UBA6: variants seen among roughly 807,000 people sequenced by gnomAD.
The protein encoded by UBA6 is ubiquitin like modifier activating enzyme 6.
Under a neutral mutation model 148.3 loss-of-function variants are expected in UBA6, and 87 were observed. The ratio of observed to expected loss-of-function variants is 0.59; its 90% CI spans 0.49 to 0.70. The LOEUF is 0.70. UBA6 is among the 30% of genes least tolerant of loss of function. UBA6 has a pLI of 0.00. For missense variants in UBA6, 1,186 were observed against 1,241.2 expected (o/e 0.96, Z 0.67); for synonymous variants, 376 against 401.0 (o/e 0.94, Z 0.75).
chr4:67,641,296 T>G (rs540766057), intron 17 of UBA6, 68 bp from the exon 18 acceptor site: 83 of 996,202 alleles, frequency 8.3e-5, no homozygotes, highest in Non-Finnish European at 1.0e-4. Flanking sequence ...CTTTTCTCAG[T>G]ATGACTAAAA....
chr4:67,630,935 A>G (rs188569044), intron 25 of UBA6, among the ~76,000 whole-genome samples: 4 of 152,350 alleles, frequency 2.6e-5, no homozygotes, highest in East Asian at 3.9e-4. Context: ...AAACAAAAAA[A>G]GAAAGTCTTA....
intron 2 of UBA6, among the ~76,000 whole-genome samples, chr4:67,690,181 A>C (rs1166278046): frequency 6.6e-6 from 1 of 152,082 alleles, no homozygotes; most frequent in East Asian, 1.9e-4. Flanking sequence ...AAAGTAGTCT[A>C]GTATGGCCAG....
At chr4:67,678,388 T>C (rs1730342269) in intron 5 of UBA6, 51 bp downstream of exon 5, 1 of 1,157,304 alleles carries the variant, frequency 8.6e-7, no homozygotes, top group Non-Finnish European at 1.2e-6. Context: ...GGAAATATTT[T>C]AAGTAAATAA....
chr4:67,677,850 GAAGA>G, intron 5 of UBA6, 128 bp from the exon 6 acceptor site: 1 of 511,232 alleles, frequency 2.0e-6, no homozygotes, highest in Admixed American at 3.8e-5. Flanking sequence ...TTACCTTGTA[GAAGA>G]AAGAAACCAA....
intron 18 of UBA6, among the ~76,000 whole-genome samples, chr4:67,639,371 A>G (rs536419144): frequency 6.6e-6 from 1 of 152,256 alleles, no homozygotes; most frequent in South Asian, 2.1e-4. Flanking sequence ...AACACCTTCT[A>G]TCTTATAGTT....
At chr4:67,681,438 G>GGA (rs1730435167) in intron 4 of UBA6, 125 bp downstream of exon 4, 2 of 572,854 alleles carry the variant, frequency 3.5e-6, no homozygotes, top group East Asian at 7.5e-5. Flanking sequence ...AAATTTCCAT[G>GGA]ATTTTTTTTA....
chr4:67,663,646 A>T (rs1324881132), intron 11 of UBA6: 1 of 491,718 alleles, frequency 2.0e-6, no homozygotes, highest in Non-Finnish European at 3.6e-6. Flanking sequence ...AAGTTGGCAA[A>T]TCATTATAAA....
rs747159489 is a variant in UBA6 at position 67,663,169 on chromosome 4, T to C, written c.1007A>G (p.Gln336Arg). The C allele has an allele frequency of 2.2e-5, 36 of 1,611,390 alleles. No homozygotes were observed. The highest frequency in any genetic ancestry group is 3.0e-5 in the Non-Finnish European group (35 of 1,179,104). ...HTAMLALDQF[Q>R]EKYSRKPNVG... ...ATTTGGCTTGCGACTGTATTTCTCC[T>C]GAAACTGGTCCAAGGCAAGCATAGC... is the stretch of plus-strand genomic sequence containing the variant. The change falls in exon 12 of 33, where the codon CAG (glutamine) becomes CGG (arginine). Residue 336 changes from glutamine to arginine, a missense_variant. Gln to Arg is a conservative substitution (Grantham distance 43). Coordinates refer to ENST00000322244, the MANE Select transcript of UBA6 (RefSeq NM_018227.6).
At chr4:67,673,071 T>C (rs1441579727) in intron 7 of UBA6, among the ~76,000 whole-genome samples, 1 of 152,200 alleles carries the variant, frequency 6.6e-6, no homozygotes, top group African/African-American at 2.4e-5. Flanking sequence ...AATGTATTTC[T>C]AGTGGCTATA....
In UBA6 at chr4:67,665,271, C is replaced by G; in HGVS notation, c.815G>C (p.Ser272Thr). The change falls in exon 10 of 33, where the codon AGT (serine) becomes ACT (threonine). Residue 272 changes from serine (S) to threonine (T), a missense_variant. Coordinates refer to ENST00000322244, the MANE Select transcript of UBA6 (RefSeq NM_018227.6). ...TTCCAGTTCTGTGGTGTCACCAATA[C>G]TAAAAGAAAATGGCGATATCACTAG... ...QITVISPFSFSIGDTTELEPY... is the reference protein window; with the variant it reads ...QITVISPFSFTIGDTTELEPY... 1 of 1,599,706 alleles carries G rather than the reference C, an allele frequency of 6.3e-7. No individual in the cohort carries two copies. The highest frequency in any genetic ancestry group is 8.5e-7 in the Non-Finnish European group (1 of 1,175,720).
At chr4:67,649,032 G>A (rs763121273) in intron 14 of UBA6, 36 bp downstream of exon 14, 11 of 1,595,366 alleles carry the variant, frequency 6.9e-6, no homozygotes, top group Non-Finnish European at 8.5e-6. Context: ...TCCATTTCAC[G>A]AGTAAAGAAT....
At chr4:67,686,129 C>T (rs1560501129) in intron 2 of UBA6, among the ~76,000 whole-genome samples, 1 of 152,146 alleles carries the variant, frequency 6.6e-6, no homozygotes, top group Non-Finnish European at 1.5e-5. Flanking sequence ...TAGCAGAAAT[C>T]CCTATCGATT....
intron 2 of UBA6, among the ~76,000 whole-genome samples, chr4:67,684,690 C>G (rs986790843): frequency 3.9e-5 from 6 of 152,082 alleles, no homozygotes; most frequent in Admixed American, 6.5e-5. Context: ...AAATCTATAC[C>G]TGTTTGGGTT....
Position 67,696,670 on chromosome 4 carries a change from C to A in UBA6, c.109G>T (p.Val37Leu). 1 of 1,607,860 alleles carries A rather than the reference C, an allele frequency of 6.2e-7. No homozygotes were observed. Among genetic ancestry groups the A allele is most frequent in the Non-Finnish European group, 8.5e-7 (1 of 1,177,030 alleles). ...KNLPIMSTAS[V>L]EIDDALYSRQ... ...CTATACAATGCATCATCGATTTCCA[C>A]AGATGCTGTTGACATAATGGGCAAA... The change falls in exon 2 of 33, where the codon GTG becomes TTG. Residue 37 changes from valine to leucine, a missense_variant. Val to Leu is a conservative substitution (Grantham distance 32). Coordinates refer to ENST00000322244, the MANE Select transcript of UBA6 (RefSeq NM_018227.6).
chr4:67,665,468 TG>T (rs1729975147), intron 9 of UBA6, among the ~76,000 whole-genome samples, 176 bp from the exon 10 acceptor site: 1 of 147,234 alleles, frequency 6.8e-6, no homozygotes, highest in Admixed American at 6.8e-5. Context: ...GGGAGGAGTG[TG>T]GGGAACTAGG....
At chr4:67,626,570 A>G in intron 27 of UBA6, 93 bp from the exon 28 acceptor site, 2 of 772,950 alleles carry the variant, frequency 2.6e-6, no homozygotes, top group Non-Finnish European at 2.1e-6. Context: ...CAAAGAGAAA[A>G]TATTTTCTCT....
intron 2 of UBA6, among the ~76,000 whole-genome samples, chr4:67,689,347 A>G (rs1233134294): frequency 2.6e-5 from 4 of 152,164 alleles, no homozygotes; most frequent in African/African-American, 9.6e-5. Context: ...GTATACAAGT[A>G]TCTAGGAGGA....
At chr4:67,691,141 GA>G (rs1437090397) in intron 2 of UBA6, among the ~76,000 whole-genome samples, 1 of 151,374 alleles carries the variant, frequency 6.6e-6, no homozygotes, top group South Asian at 2.1e-4. Flanking sequence ...GTGACAACTT[GA>G]AAAAAACTCA....
At chr4:67,653,149 G>T (rs966522647) in intron 13 of UBA6, among the ~76,000 whole-genome samples, 1 of 152,220 alleles carries the variant, frequency 6.6e-6, no homozygotes, top group African/African-American at 2.4e-5. Context: ...AAATGTCCCT[G>T]TCTGACAGCA....
Sources: allele counts gnomAD v4.1 joint callset (sites outside exome capture counted in the v4.1 genomes callset), GRCh38; gene constraint gnomAD v4.1.1; transcripts MANE v1.5; gene names NCBI Gene and HGNC (gene_info 2026-07-23, HGNC 2026-07-21).